Variants in AGBL3 observed in about 807,000 individuals in gnomAD.
The protein encoded by AGBL3 is cytosolic carboxypeptidase 3.
Under a neutral mutation model 94.5 loss-of-function variants are expected in AGBL3, and 68 were observed. That is an observed-to-expected ratio of 0.72 (90% CI 0.59 to 0.88). The LOEUF (loss-of-function observed/expected upper bound fraction) is 0.88. AGBL3 is among the 40% of genes least tolerant of loss of function. The probability of loss-of-function intolerance (pLI) is 0.00; values close to 1 mark genes in which losing one functional copy is unlikely to be tolerated. For synonymous variants in AGBL3, 354 were observed against 370.7 expected (o/e 0.95, Z 0.52); for missense variants, 934 against 1,103.8 (o/e 0.85, Z 2.18).
intron 8 of AGBL3, among the ~76,000 whole-genome samples, chr7:135,041,621 T>A (rs1361018603): frequency 6.6e-6 from 1 of 152,190 alleles, no homozygotes; most frequent in Non-Finnish European, 1.5e-5. Flanking sequence ...GAAGAAAATT[T>A]TTATGACATG....
chr7:134,990,409 T>G (rs189743320), intron 3 of AGBL3, among the ~76,000 whole-genome samples: 4 of 152,244 alleles, frequency 2.6e-5, no homozygotes, highest in African/African-American at 4.8e-5. Flanking sequence ...GATTTATCCA[T>G]GTTGTTGCAT....
intron 15 of AGBL3, among the ~76,000 whole-genome samples, 195 bp from the exon 16 acceptor site, chr7:135,115,180 GCTTTA>G (rs1826153798): frequency 6.6e-6 from 1 of 151,988 alleles, no homozygotes; most frequent in South Asian, 2.1e-4. Flanking sequence ...CCCCTCCGCA[GCTTTA>G]CTTTATCCCG....
At chr7:135,101,143 G>A (rs987335328) in intron 15 of AGBL3, 3 of 455,392 alleles carry the variant, frequency 6.6e-6, no homozygotes, top group East Asian at 6.9e-5. Context: ...AAATCAGTGA[G>A]AGGCCAATCT....
At chr7:135,072,969 G>C (rs1191684413) in intron 12 of AGBL3, among the ~76,000 whole-genome samples, 7 of 151,170 alleles carry the variant, frequency 4.6e-5, no homozygotes, top group African/African-American at 1.7e-4. Context: ...AAAGATGAGG[G>C]GTGTGTGTAT....
intron 15 of AGBL3, among the ~76,000 whole-genome samples, chr7:135,109,745 AG>A (rs1270622224): frequency 5.9e-5 from 9 of 152,332 alleles, no homozygotes; most frequent in African/African-American, 2.2e-4. Context: ...GTGAAAAAGC[AG>A]TCTGACCACT....
chr7:135,106,798 G>A (rs145829389), intron 15 of AGBL3, among the ~76,000 whole-genome samples: 11 of 152,184 alleles, frequency 7.2e-5, no homozygotes, highest in Admixed American at 2.0e-4. Flanking sequence ...GTACCAGCTC[G>A]TCTTTGTACA....
At chr7:134,999,788 C>G (rs1315541539) in intron 4 of AGBL3, among the ~76,000 whole-genome samples, 1 of 152,222 alleles carries the variant, frequency 6.6e-6, no homozygotes, top group African/African-American at 2.4e-5. Context: ...GTTTTTTCAT[C>G]ACTGCAAGGA....
rs578252572 is a variant in AGBL3 at position 135,039,817 on chromosome 7, G to C, written c.1500+2237G>C. Among the ~76,000 whole-genome samples the C allele has an allele frequency of 4.4e-4, 66 of 151,678 alleles. 1 individual carries two copies. The highest frequency in any genetic ancestry group is 3.4e-3 in the Admixed American group (51 of 15,194). On this transcript the variant is annotated intron_variant, in intron 8 of 16. Transcript: ENST00000436302. ...GAAAAAGAAGAGTAAAATAAACCAAGCAGAAGGAAGCAGATAATAAAGAGA... is the reference window on the plus strand; with the variant it reads ...GAAAAAGAAGAGTAAAATAAACCAACCAGAAGGAAGCAGATAATAAAGAGA...
At chr7:135,104,093 G>T (rs1824276158) in intron 15 of AGBL3, among the ~76,000 whole-genome samples, 1 of 151,948 alleles carries the variant, frequency 6.6e-6, no homozygotes, top group Non-Finnish European at 1.5e-5. Context: ...GTAGGCCCCA[G>T]TGTCTGTTGT....
chr7:135,006,219 T>C (rs755016864), intron 4 of AGBL3, among the ~76,000 whole-genome samples: 2 of 151,776 alleles, frequency 1.3e-5, no homozygotes, highest in Non-Finnish European at 2.9e-5. Context: ...TTTTTTATTT[T>C]TATTTTTTTT....
Position 135,076,414 on chromosome 7 carries a change from A to G in AGBL3, c.1926A>G (p.Thr642=). ...TTTACTAGAAAAAACATTTGAAAAC[A>G]AAGAAGGAAAGGAATTCTACCATAG... ...KLTSQKKHLK[T]KKERNSTIAS... Residue 642 remains threonine (T), a synonymous_variant, in exon 13 of 17, where the codon ACA becomes ACG. Transcript: ENST00000436302. 1 of 1,547,868 alleles carries G rather than the reference A, an allele frequency of 6.5e-7. No individual in the cohort carries two copies. Among genetic ancestry groups the G allele is most frequent in the Non-Finnish European group, 8.7e-7 (1 of 1,143,908 alleles).
Position 135,098,319 on chromosome 7 carries a change from A to T in AGBL3, c.2110+16529A>T, listed in dbSNP as rs544163285. On this transcript the variant is annotated intron_variant, in intron 15 of 16. Transcript: ENST00000436302. ...ATGGCATAGTGTTTGCATATAACCTATGCATATCCTCCAGTATGCTTTAAG... is the reference window on the plus strand; with the variant it reads ...ATGGCATAGTGTTTGCATATAACCTTTGCATATCCTCCAGTATGCTTTAAG... Among the ~76,000 whole-genome samples, 4 of 152,304 alleles carry T rather than the reference A, an allele frequency of 2.6e-5. No individual in the cohort carries two copies. The South Asian group carries it at 8.3e-4, about 32-fold the overall frequency.
rs866781792 is a variant in AGBL3, at chr7:135,069,776, T to G, written c.1909-6621T>G. On this transcript the variant is annotated intron_variant, in intron 12 of 16. Coordinates refer to ENST00000436302, the MANE Select transcript of AGBL3 (RefSeq NM_178563.4). ...AATGCCCACAAGAGAAAGCAGGAAA[T>G]ATCTAAAATTGACACCCTAACATCA... Among the ~76,000 whole-genome samples, 43 of 149,908 alleles carry G rather than the reference T, an allele frequency of 2.9e-4. 1 individual carries two copies. The highest frequency in any genetic ancestry group is 8.8e-4 in the African/African-American group (36 of 40,716).
At chr7:135,096,771 G>GAAAGAA (rs1321667016) in intron 15 of AGBL3, among the ~76,000 whole-genome samples, 1 of 148,466 alleles carries the variant, frequency 6.7e-6, no homozygotes, top group Non-Finnish European at 1.5e-5. Context: ...AAGAAAGAAA[G>GAAAGAA]AAAGAAAGAA....
intron 6 of AGBL3, 30 bp downstream of exon 6, chr7:135,033,012 C>T (rs1207157175): frequency 6.6e-6 from 10 of 1,506,650 alleles, no homozygotes; most frequent in East Asian, 2.5e-5. Context: ...ATTTAAGGAG[C>T]TAGACCATCA....
At chr7:135,012,186 C>T (rs1813246113) in intron 4 of AGBL3, 1 of 151,932 alleles carries the variant, frequency 6.6e-6, no homozygotes, top group Admixed American at 6.5e-5. Flanking sequence ...TTATAAAGTT[C>T]AAATATAGGC....
intron 16 of AGBL3, among the ~76,000 whole-genome samples, chr7:135,132,234 G>A (rs563172242): frequency 1.2e-4 from 19 of 152,200 alleles, no homozygotes; most frequent in Admixed American, 2.0e-4. Flanking sequence ...ATAAGATTTT[G>A]CATAAATATA....
At chr7:135,032,771 C>G in intron 5 of AGBL3, 73 bp from the exon 6 acceptor site, 3 of 1,388,594 alleles carry the variant, frequency 2.2e-6, no homozygotes, top group Non-Finnish European at 2.8e-6. Flanking sequence ...TACTATTGCT[C>G]CAAACTCTGT....
chr7:135,062,993 GC>G (rs542504475), intron 12 of AGBL3, among the ~76,000 whole-genome samples: 37 of 151,914 alleles, frequency 2.4e-4, no homozygotes, highest in Non-Finnish European at 5.3e-4. Context: ...CAGGTCTTTG[GC>G]TTTTCTTTGA....
Sources: gnomAD v4.1 joint callset for allele counts (sites outside exome capture counted in the v4.1 genomes callset) on GRCh38, gnomAD v4.1.1 for gene constraint, MANE v1.5 for transcripts, NCBI Gene and HGNC (gene_info 2026-07-23, HGNC 2026-07-21) for gene names.